NEDD9: variants seen among roughly 807,000 people sequenced by gnomAD.
The protein encoded by NEDD9 is enhancer of filamentation 1.
Under a neutral mutation model 76.6 loss-of-function variants are expected in NEDD9, and 26 were observed. The observed-to-expected ratio is 0.34, with a 90% CI of 0.25 to 0.47. The LOEUF (loss-of-function observed/expected upper bound fraction) is 0.47, where lower values mean the gene tolerates loss of function less well. NEDD9 is among the 20% of genes least tolerant of loss of function. NEDD9 has a pLI of 1.00. For synonymous variants in NEDD9, 392 were observed against 414.2 expected (o/e 0.95, Z 0.65); for missense variants, 937 against 1,058.5 (o/e 0.89, Z 1.59).
intron 1 of NEDD9, among the ~76,000 whole-genome samples, chr6:11,344,017 G>A (rs1265430346): frequency 2.0e-5 from 3 of 152,206 alleles, no homozygotes; most frequent in Non-Finnish European, 4.4e-5. Context: ...GGATAAGGGG[G>A]AGAGAAGTGA....
rs1046997947 is a variant in NEDD9 at position 11,361,420 on chromosome 6, G to A, written c.-214+20719C>T. Among the ~76,000 whole-genome samples, 3 of 152,068 alleles carry A rather than the reference G, an allele frequency of 2.0e-5. 1 individual carries two copies. The highest frequency in any genetic ancestry group is 4.1e-4 in the South Asian group (2 of 4,832). ...CGGAAGGTAGAGTAGGAGCAGGTAC[G>A]TCACATGGTGAAAGCAGGAGCAAGA... On this transcript the variant is annotated intron_variant, in intron 1 of 3. Transcript: ENST00000397378.
At chr6:11,357,376 C>T (rs1397902560) in intron 1 of NEDD9, among the ~76,000 whole-genome samples, 1 of 152,182 alleles carries the variant, frequency 6.6e-6, no homozygotes, top group Non-Finnish European at 1.5e-5. Context: ...TCTTTCCACA[C>T]ATCTTCCGTA....
intron 1 of NEDD9, among the ~76,000 whole-genome samples, chr6:11,215,467 G>C (rs569799413): frequency 3.3e-4 from 51 of 152,328 alleles, no homozygotes; most frequent in South Asian, 1.4e-3. Context: ...AGTTTCCCCT[G>C]TTCATGGAAC....
chr6:11,330,956 A>G (rs1046856878), intron 2 of NEDD9, among the ~76,000 whole-genome samples: 2 of 152,076 alleles, frequency 1.3e-5, no homozygotes, highest in Admixed American at 6.6e-5. Context: ...TATTGTGCAA[A>G]TTTTCACAAA....
At chr6:11,290,534 G>T (rs1256217205) in intron 3 of NEDD9, among the ~76,000 whole-genome samples, 1 of 152,200 alleles carries the variant, frequency 6.6e-6, no homozygotes, top group African/African-American at 2.4e-5. Flanking sequence ...CATCTGTGCA[G>T]CTCCCAGACC....
intron 2 of NEDD9, among the ~76,000 whole-genome samples, chr6:11,314,651 G>T (rs1227722028): frequency 6.6e-6 from 1 of 152,024 alleles, no homozygotes; most frequent in Non-Finnish European, 1.5e-5. Flanking sequence ...TCTCTCTTTG[G>T]ATGTTTCTCT....
intron 3 of NEDD9, among the ~76,000 whole-genome samples, chr6:11,299,278 AG>A (rs1005420028): frequency 3.3e-5 from 5 of 152,056 alleles, no homozygotes; most frequent in African/African-American, 4.8e-5. Flanking sequence ...CTGCAGCTTG[AG>A]GGGGGGAGGG....
At chr6:11,289,651 C>A (rs560695043) in intron 3 of NEDD9, among the ~76,000 whole-genome samples, 3 of 152,128 alleles carry the variant, frequency 2.0e-5, no homozygotes, top group Admixed American at 6.5e-5. Context: ...CGAGGTTTCA[C>A]CATGTTACAC....
intron 3 of NEDD9, among the ~76,000 whole-genome samples, chr6:11,291,899 C>T (rs1376246998): frequency 6.6e-6 from 1 of 152,204 alleles, no homozygotes; most frequent in African/African-American, 2.4e-5. Flanking sequence ...AGGGCTTACT[C>T]ATCCCTGCAC....
In NEDD9 at chr6:11,184,449, C is replaced by A. The variant is rs972214983; in HGVS notation, c.*713G>T. 6.6e-6 allele frequency: 1 copy of A among 152,216 alleles called. No individual in the cohort carries two copies. Among genetic ancestry groups the A allele is most frequent in the Non-Finnish European group, 1.5e-5 (1 of 68,060 alleles). The allele number at this position is 152,216 out of a possible 1,614,324, so 9.4% of individuals were successfully genotyped here. A position where few individuals can be genotyped will look rare whatever the true frequency, so the allele number is the denominator to read the frequency against. On this transcript the variant is annotated 3_prime_UTR_variant, in exon 7 of 7. Transcript: ENST00000379446. ...CTCTCCTTTTATTGTAGCTGTCTCT[C>A]AGTATTGAAACAACCCAATCCTAAC...
chr6:11,287,638 C>T (rs181415882), intron 3 of NEDD9, among the ~76,000 whole-genome samples: 3 of 152,248 alleles, frequency 2.0e-5, no homozygotes, highest in Admixed American at 6.5e-5. Flanking sequence ...ATCCATTCTC[C>T]TCTACGTACT....
intron 2 of NEDD9, among the ~76,000 whole-genome samples, chr6:11,313,070 A>G (rs531305312): frequency 8.5e-5 from 13 of 152,302 alleles, no homozygotes; most frequent in African/African-American, 2.9e-4. Flanking sequence ...AAGTGGATGG[A>G]TGGATAGATG....
At chr6:11,271,944 A>G (rs1760316047) in intron 3 of NEDD9, 1 of 152,244 alleles carries the variant, frequency 6.6e-6, no homozygotes, top group South Asian at 2.1e-4. Context: ...TTGAAAAACC[A>G]CAATAAGCAA....
chr6:11,361,462 C>T (rs954654683), intron 1 of NEDD9, among the ~76,000 whole-genome samples: 6 of 151,900 alleles, frequency 3.9e-5, no homozygotes, highest in African/African-American at 1.5e-4. Flanking sequence ...GACAGAGTGT[C>T]AAGGGGCAGG....
At chr6:11,322,558 C>T (rs1761832733) in intron 2 of NEDD9, among the ~76,000 whole-genome samples, 1 of 152,194 alleles carries the variant, frequency 6.6e-6, no homozygotes, top group Admixed American at 6.5e-5. Flanking sequence ...AGGAAACCAG[C>T]TCCTCTCAAC....
intron 3 of NEDD9, among the ~76,000 whole-genome samples, chr6:11,304,915 C>T (rs1239985954): frequency 6.6e-6 from 1 of 152,092 alleles, no homozygotes; most frequent in Non-Finnish European, 1.5e-5. Flanking sequence ...TGTAACAAAC[C>T]TGCACGTTTT....
chr6:11,216,841 GT>G (rs776609271), intron 1 of NEDD9, among the ~76,000 whole-genome samples: 29 of 152,224 alleles, frequency 1.9e-4, no homozygotes, highest in Middle Eastern at 3.4e-3. Context: ...TATTATATAT[GT>G]TTTGTACCTA....
chr6:11,239,670 G>A (rs1041204848), intron 3 of NEDD9, among the ~76,000 whole-genome samples: 1 of 152,018 alleles, frequency 6.6e-6, no homozygotes, highest in Non-Finnish European at 1.5e-5. Context: ...AAGGCTACCC[G>A]ACCTTACCCC....
intron 3 of NEDD9, among the ~76,000 whole-genome samples, chr6:11,242,572 C>T (rs1461132982): frequency 6.7e-6 from 1 of 149,930 alleles, no homozygotes; most frequent in Non-Finnish European, 1.5e-5. Context: ...ATCACCTGTG[C>T]AGTTCTGGTC....
Sources: allele counts gnomAD v4.1 joint callset (sites outside exome capture counted in the v4.1 genomes callset), GRCh38; gene constraint gnomAD v4.1.1; transcripts MANE v1.5; gene names NCBI Gene and HGNC (gene_info 2026-07-23, HGNC 2026-07-21).